LDB2: variants seen among roughly 807,000 people sequenced by gnomAD.
LDB2 encodes LIM domain binding 2, also known as LIM domain-binding protein 2.
LDB2 carries 12 observed loss-of-function variants against 44.3 expected under a neutral mutation model. That is an observed-to-expected ratio of 0.27 (90% confidence interval 0.17 to 0.44). The LOEUF is 0.44. Ranked by LOEUF, LDB2 falls within the 20% of genes least tolerant of loss-of-function variation. The probability of loss-of-function intolerance (pLI) is 1.00; values close to 1 mark genes in which losing one functional copy is unlikely to be tolerated. For missense variants in LDB2, 344 were observed against 473.5 expected, an observed-to-expected ratio of 0.73 and a Z score of 2.54; for synonymous variants, 164 against 174.8, an observed-to-expected ratio of 0.94 and a Z score of 0.49.
intron 5 of LDB2, among the ~76,000 whole-genome samples, chr4:16,546,200 G>GCAAA (rs1286960004): frequency 5.3e-5 from 8 of 152,074 alleles, no homozygotes; most frequent in Admixed American, 3.3e-4. Context: ...TGATATTAGT[G>GCAAA]CAAACATACT....
intron 2 of LDB2, among the ~76,000 whole-genome samples, chr4:16,740,476 G>A (rs866773099): frequency 1.3e-4 from 20 of 152,266 alleles, no homozygotes; most frequent in Admixed American, 5.2e-4. Context: ...GCCTCCAATC[G>A]TGCGAGCTGT....
chr4:16,740,847 G>T (rs191487178), intron 2 of LDB2, among the ~76,000 whole-genome samples: 16 of 152,296 alleles, frequency 1.1e-4, no homozygotes, highest in Non-Finnish European at 2.1e-4. Context: ...TGCAATGCGT[G>T]TATTTTACTT....
At chr4:16,560,534 G>A (rs775250167) in intron 5 of LDB2, among the ~76,000 whole-genome samples, 110 of 152,152 alleles carry the variant, frequency 7.2e-4, no homozygotes, top group Non-Finnish European at 1.4e-3. Context: ...TTGAATCTCT[G>A]AATAGACCAA....
intron 2 of LDB2, among the ~76,000 whole-genome samples, chr4:16,755,472 G>GGGGTGTGT (rs1412312264): frequency 8.5e-6 from 1 of 118,242 alleles, no homozygotes; most frequent in East Asian, 2.7e-4. Flanking sequence ...GTAGGAATAG[G>GGGGTGTGT]GTGTGTGTGT....
intron 3 of LDB2, among the ~76,000 whole-genome samples, chr4:16,593,165 C>A (rs543116630): frequency 2.2e-4 from 33 of 152,208 alleles, no homozygotes; most frequent in African/African-American, 7.9e-4. Context: ...TTCATAAAAG[C>A]AACTCAGAAC....
intron 7 of LDB2, 84 bp from the exon 8 acceptor site, chr4:16,502,957 A>G: frequency 2.5e-6 from 4 of 1,603,386 alleles, no homozygotes; most frequent in Non-Finnish European, 3.4e-6. Context: ...GAGTCGGGGA[A>G]TCTAGGACAG....
At chr4:16,612,430 G>A (rs1266672891) in intron 2 of LDB2, among the ~76,000 whole-genome samples, 2 of 152,038 alleles carry the variant, frequency 1.3e-5, no homozygotes, top group African/African-American at 4.8e-5. Flanking sequence ...CCAGGAGCAG[G>A]TTTTTTGAGA....
intron 2 of LDB2, among the ~76,000 whole-genome samples, chr4:16,707,818 A>T (rs1014348632): frequency 1.1e-4 from 17 of 152,198 alleles, no homozygotes; most frequent in Non-Finnish European, 4.4e-5. Flanking sequence ...AATCTTGGGT[A>T]GAAAAATACA....
chr4:16,889,691 T>C (rs1470107246), intron 1 of LDB2, among the ~76,000 whole-genome samples: 1 of 152,224 alleles, frequency 6.6e-6, no homozygotes, highest in African/African-American at 2.4e-5. Context: ...CCATGTGCTA[T>C]ATAGGGCACT....
At chr4:16,689,734 G>A (rs1750171754) in intron 2 of LDB2, among the ~76,000 whole-genome samples, 2 of 152,226 alleles carry the variant, frequency 1.3e-5, no homozygotes, top group South Asian at 4.1e-4. Flanking sequence ...TAAATGAGTA[G>A]CTTCTTATTG....
At chr4:16,508,208 A>G (rs1185180112) in intron 7 of LDB2, among the ~76,000 whole-genome samples, 1 of 152,200 alleles carries the variant, frequency 6.6e-6, no homozygotes, top group Non-Finnish European at 1.5e-5. Context: ...AGGCCTTAAT[A>G]CGCCACCAGG....
At chr4:16,839,493 G>A (rs1017907893) in intron 1 of LDB2, among the ~76,000 whole-genome samples, 3 of 152,174 alleles carry the variant, frequency 2.0e-5, no homozygotes, top group Non-Finnish European at 4.4e-5. Flanking sequence ...CAACACTGGG[G>A]AGCAAATTTC....
intron 2 of LDB2, among the ~76,000 whole-genome samples, chr4:16,705,829 G>A (rs1754482547): frequency 6.6e-6 from 1 of 152,046 alleles, no homozygotes; most frequent in Admixed American, 6.6e-5. Context: ...TCTATCATGA[G>A]TTCCTTTTGT....
intron 2 of LDB2, among the ~76,000 whole-genome samples, chr4:16,748,896 G>A (rs1170897128): frequency 1.3e-5 from 2 of 152,192 alleles, no homozygotes; most frequent in African/African-American, 4.8e-5. Flanking sequence ...ACATGGCTAA[G>A]CTCTGCTAAT....
chr4:16,845,353 CCT>C (rs1418842415), intron 1 of LDB2, among the ~76,000 whole-genome samples: 3 of 152,154 alleles, frequency 2.0e-5, no homozygotes, highest in African/African-American at 4.8e-5. Context: ...CATGGCCGCC[CCT>C]GTTTCCTTTG....
chr4:16,662,878 T>C (rs187068909), intron 2 of LDB2, among the ~76,000 whole-genome samples: 12 of 152,296 alleles, frequency 7.9e-5, no homozygotes, highest in Non-Finnish European at 1.3e-4. Context: ...CATTGTAATA[T>C]GAAAATGGAC....
chr4:16,885,775 G>T (rs1286634786), intron 1 of LDB2, among the ~76,000 whole-genome samples: 2 of 152,158 alleles, frequency 1.3e-5, no homozygotes, highest in Non-Finnish European at 2.9e-5. Context: ...AAATAAAAAA[G>T]GATCCACCCT....
chr4:16,635,957 A>G (rs1200733175), intron 2 of LDB2, among the ~76,000 whole-genome samples: 1 of 152,176 alleles, frequency 6.6e-6, no homozygotes, highest in Non-Finnish European at 1.5e-5. Flanking sequence ...TTAATGTCCT[A>G]GTTTCTCAGG....
At chr4:16,758,684 C>T (rs912312416) in intron 2 of LDB2, among the ~76,000 whole-genome samples, 18 of 152,128 alleles carry the variant, frequency 1.2e-4, no homozygotes, top group African/African-American at 4.3e-4. Flanking sequence ...CTGTGGCCTC[C>T]CCACACCCCA....
Sources: allele counts gnomAD v4.1 joint callset (sites outside exome capture counted in the v4.1 genomes callset), GRCh38; gene constraint gnomAD v4.1.1; transcripts MANE v1.5; gene names NCBI Gene and HGNC (gene_info 2026-07-23, HGNC 2026-07-21).